The following DMBT1 variants were observed in gnomAD, a reference collection of about 807,000 sequenced individuals.
DMBT1 encodes the protein scavenger receptor cysteine-rich domain-containing protein DMBT1.
In DMBT1, 198 loss-of-function variants were observed where a neutral mutation model predicts 252.9. The ratio of observed to expected loss-of-function variants is 0.78; its 90% CI spans 0.70 to 0.88. The LOEUF (loss-of-function observed/expected upper bound fraction) is 0.88, where lower values mean the gene tolerates loss of function less well. Among genes scored for constraint, DMBT1 ranks in the 40% least tolerant of loss-of-function variants. The pLI is 0.00. For synonymous variants in DMBT1, 990 were observed against 942.7 expected (o/e 1.05, Z -0.92); for missense variants, 2,432 against 2,404.7 (o/e 1.01, Z -0.24).
intron 6 of DMBT1, 47 bp from the exon 7 acceptor site, chr10:122,576,352 T>A: frequency 6.2e-7 from 1 of 1,600,718 alleles, no homozygotes; most frequent in Non-Finnish European, 8.5e-7. Context: ...CCTGAGACCT[T>A]GTGCCTCAGT....
chr10:122,573,815 A>G (rs1473159535), intron 6 of DMBT1, 53 bp downstream of exon 6: 4 of 1,592,856 alleles, frequency 2.5e-6, no homozygotes, highest in Non-Finnish European at 3.4e-6. Context: ...CTGCACCCCT[A>G]GGTTAATCTC....
rs1286019035 is a variant in DMBT1, at chr10:122,599,042, T to C, written c.3225T>C (p.Asn1075=). 7 of 1,613,690 alleles carry C rather than the reference T, an allele frequency of 4.3e-6. No individual in the cohort carries two copies. The highest frequency in any genetic ancestry group is 1.6e-4 in the Middle Eastern group (1 of 6,078). Residue 1075 remains asparagine (N), a synonymous_variant, in exon 26 of 56, where the codon AAT becomes AAC. Coordinates refer to ENST00000338354, the MANE Select transcript of DMBT1 (RefSeq NM_001377530.1). ...CTTACCTGTGGAGCTGCCCCCACAA[T>C]GGCTGGCTCTCCCACAACTGTGGCC... ...HESYLWSCPH[N]GWLSHNCGHS...
At chr10:122,621,732 G>A (rs1018476535) in intron 44 of DMBT1, among the ~76,000 whole-genome samples, 3 of 152,198 alleles carry the variant, frequency 2.0e-5, no homozygotes, top group African/African-American at 7.2e-5. Context: ...GGGCAGAGGA[G>A]GGATCCTCTC....
intron 20 of DMBT1, among the ~76,000 whole-genome samples, chr10:122,593,109 G>A (rs534579771): frequency 6.7e-6 from 1 of 149,116 alleles, no homozygotes; most frequent in Admixed American, 6.6e-5. Flanking sequence ...TGAGGTTGGA[G>A]TCCTTGACCT....
chr10:122,589,182 T>G lies in DMBT1; in HGVS notation c.2022T>G (p.His674Gln). 1.3e-6 allele frequency: 2 copies of G among 1,588,468 alleles called. No homozygotes were observed. The highest frequency in any genetic ancestry group is 1.3e-5 in the African/African-American group (1 of 74,654). ...IVLDDVRCSG[H>Q]ESYLWSCPNN... Reference sequence around the variant, plus strand: ...TGGATGATGTGCGCTGCTCAGGACATGAGTCCTACCTGTGGAGCTGCCCCA... The same window carrying G: ...TGGATGATGTGCGCTGCTCAGGACAGGAGTCCTACCTGTGGAGCTGCCCCA... The change falls in exon 17 of 56, where the codon CAT becomes CAG. Residue 674 changes from histidine to glutamine, a missense_variant. Transcript: ENST00000338354.
At chr10:122,598,707 T>C in intron 25 of DMBT1, 67 bp from the exon 26 acceptor site, 1 of 1,610,102 alleles carries the variant, frequency 6.2e-7, no homozygotes, top group Non-Finnish European at 8.5e-7. Flanking sequence ...GCCTTGAGTG[T>C]GGAACATTCC....
rs200589297 is a variant in DMBT1, at chr10:122,640,298, C to T, written c.7201C>T (p.Arg2401Cys). The change falls in exon 55 of 56, where the codon CGC becomes TGC. Residue 2401 changes from arginine (R) to cysteine (C), a missense_variant. Arg to Cys is a radical substitution (Grantham distance 180). This residue lies in a region of DMBT1 where 1,162 missense variants were observed against 1,169.0 expected (regional missense o/e 0.99). Transcript: ENST00000338354. ...ATCTTTCTTGTATCCTGTGACCAGC[C>T]GCCCTTACTACGTGGACCTGAACCA... is the stretch of plus-strand genomic sequence containing the variant. ...SSSFLYPVTSRPYYVDLNQDL... is the reference protein window; with the variant it reads ...SSSFLYPVTSCPYYVDLNQDL... The T allele has an allele frequency of 1.9e-3, 3,118 of 1,614,034 alleles. 7 individuals carry two copies. The highest frequency in any genetic ancestry group is 2.1e-3 in the Non-Finnish European group (2,526 of 1,179,906).
At chr10:122,585,933 T>C (rs2097785654) in intron 15 of DMBT1, 127 bp from the exon 16 acceptor site, 1 of 1,504,816 alleles carries the variant, frequency 6.6e-7, no homozygotes, top group Non-Finnish European at 8.9e-7. Flanking sequence ...CTGGTTTTAT[T>C]CATATTCAAA....
intron 28 of DMBT1, 105 bp downstream of exon 28, chr10:122,601,128 C>T: frequency 2.1e-6 from 1 of 476,956 alleles, no homozygotes; most frequent in South Asian, 2.2e-5. Context: ...TTTTTCACTC[C>T]CCTGTGGGTT....
chr10:122,626,451 G>A (rs1233070867), intron 46 of DMBT1, among the ~76,000 whole-genome samples: 1 of 152,126 alleles, frequency 6.6e-6, no homozygotes, highest in African/African-American at 2.4e-5. Context: ...CTTCATTACT[G>A]TAAATGATTT....
At chr10:122,617,611 C>T (rs1278627571) in intron 40 of DMBT1, among the ~76,000 whole-genome samples, 2 of 151,646 alleles carry the variant, frequency 1.3e-5, no homozygotes, top group Non-Finnish European at 2.9e-5. Flanking sequence ...GTCCCTGCAG[C>T]TGTCTGGCCA....
rs138082726 is a variant in DMBT1, at chr10:122,617,280, C to T, written c.4891+20C>T. On this transcript the variant is annotated intron_variant, in intron 40 of 55. Transcript: ENST00000338354. ...CAGCAGGTAAACAATCCTCTCACCC[C>T]TCCCTAGGGCTCACTATCTCTGGAC... 3.9e-5 allele frequency: 63 copies of T among 1,607,182 alleles called. 8 individuals carry two copies. In the East Asian group the frequency reaches 1.4e-3, roughly 36 times the overall value.
At chr10:122,630,937 T>C in intron 48 of DMBT1, 24 bp from the exon 49 acceptor site, 1 of 1,573,122 alleles carries the variant, frequency 6.4e-7, no homozygotes, top group Non-Finnish European at 8.7e-7. Context: ...ATGGCCATGA[T>C]CTCTCAGTTA....
intron 40 of DMBT1, among the ~76,000 whole-genome samples, 195 bp from the exon 41 acceptor site, chr10:122,617,822 C>G (rs2098011147): frequency 6.6e-6 from 1 of 151,546 alleles, no homozygotes; most frequent in Non-Finnish European, 1.5e-5. Flanking sequence ...TCTGAGCCTC[C>G]ATAAACCCAG....
intron 17 of DMBT1, among the ~76,000 whole-genome samples, 184 bp downstream of exon 17, chr10:122,589,451 A>G (rs925873130): frequency 1.3e-5 from 2 of 148,298 alleles, no homozygotes; most frequent in African/African-American, 4.9e-5. Flanking sequence ...AGGAGGTCAG[A>G]GAGGACAATG....
chr10:122,632,916 C>A (rs1396286917), intron 51 of DMBT1, 26 bp downstream of exon 51: 2 of 1,613,608 alleles, frequency 1.2e-6, no homozygotes, highest in Admixed American at 3.3e-5. Context: ...CCTGACAAGT[C>A]TGTGGCAGAG....
At position 122,585,279 on chromosome 10, in the gene DMBT1, C is replaced by G; in HGVS notation, c.1429C>G (p.Pro477Ala). 1 of 1,586,880 alleles carries G rather than the reference C, an allele frequency of 6.3e-7. No individual in the cohort carries two copies. The highest frequency in any genetic ancestry group is 8.6e-7 in the Non-Finnish European group (1 of 1,164,526). ...CTCTGTTGCAATTACAGACACGTTG[C>G]CGACCATCACCTTACCTGCATCGAC... is the stretch of plus-strand genomic sequence containing the variant. ...SWSTPSPDTLPTITLPASTVG... is the reference protein window; with the variant it reads ...SWSTPSPDTLATITLPASTVG... Residue 477 changes from proline (P) to alanine (A), a missense_variant, in exon 15 of 56, where the codon CCG becomes GCG. Physicochemically the swap from Pro to Ala is conservative, Grantham distance 27. Transcript: ENST00000338354.
intron 1 of DMBT1, among the ~76,000 whole-genome samples, chr10:122,561,289 C>T (rs986781137): frequency 2.6e-5 from 4 of 152,082 alleles, no homozygotes; most frequent in African/African-American, 4.8e-5. Flanking sequence ...TAATATTTGC[C>T]GAGCAAAATC....
At chr10:122,564,871 CT>C (rs1173493792) in intron 1 of DMBT1, among the ~76,000 whole-genome samples, 1 of 152,104 alleles carries the variant, frequency 6.6e-6, no homozygotes, top group African/African-American at 2.4e-5. Context: ...AGTGCTATAT[CT>C]TGTCTCTATA....
Sources: gnomAD v4.1 joint callset for allele counts (sites outside exome capture counted in the v4.1 genomes callset) on GRCh38, gnomAD v4.1.1 for gene constraint, gnomAD v4.1.1 regional missense constraint, MANE v1.5 for transcripts, NCBI Gene and HGNC (gene_info 2026-07-23, HGNC 2026-07-21) for gene names.